Variants in DRC9 observed in about 807,000 individuals in gnomAD.
DRC9 encodes the protein dynein regulatory complex protein 9.
the DRC9 span, chr3:197,949,373 T>A: frequency 2.0e-5 from 3 of 152,206 alleles, no homozygotes; most frequent in Non-Finnish European, 4.4e-5. Context: ...GAGGACCTAC[T>A]AGGTGCGGAC....
the DRC9 span, chr3:197,955,901 G>A: frequency 3.8e-6 from 3 of 783,736 alleles, no homozygotes; most frequent in Non-Finnish European, 6.7e-6. Context: ...CATTTTTGGA[G>A]TACAAGGGGG....
At chr3:197,948,820 TTAAA>T in the DRC9 span, among the ~76,000 whole-genome samples, 1 of 152,202 alleles carries the variant, frequency 6.6e-6, no homozygotes, top group African/African-American at 2.4e-5. Flanking sequence ...TTGCCAGAAT[TTAAA>T]TATATTCAGA....
At chr3:197,905,703 G>A in the DRC9 span, among the ~76,000 whole-genome samples, 2 of 151,982 alleles carry the variant, frequency 1.3e-5, no homozygotes, top group African/African-American at 4.8e-5. Context: ...AGCTGAGATC[G>A]TGCCACTGGG....
At chr3:197,891,635 CAAAATAA>C in the DRC9 span, 4 of 592,198 alleles carry the variant, frequency 6.8e-6, no homozygotes, top group African/African-American at 5.7e-5. Context: ...TATAAAATTT[CAAAATAA>C]AACATGCTCA....
At chr3:197,950,221 G>C in the DRC9 span, 3 of 1,231,354 alleles carry the variant, frequency 2.4e-6, no homozygotes, top group African/African-American at 4.6e-5. Flanking sequence ...CTCCTGTGGA[G>C]GTGAGTGAAG....
the DRC9 span, among the ~76,000 whole-genome samples, chr3:197,952,794 A>T: frequency 1.3e-5 from 2 of 151,964 alleles, no homozygotes; most frequent in African/African-American, 2.4e-5. Context: ...CACCAGGCCA[A>T]AATTAGTTTT....
chr3:197,897,650 T>C, the DRC9 span, among the ~76,000 whole-genome samples: 1 of 152,146 alleles, frequency 6.6e-6, no homozygotes, highest in Non-Finnish European at 1.5e-5. Context: ...AATAGACATT[T>C]ATAAAATATT....
At chr3:197,897,283 T>C in the DRC9 span, among the ~76,000 whole-genome samples, 1 of 152,148 alleles carries the variant, frequency 6.6e-6, no homozygotes, top group Non-Finnish European at 1.5e-5. Context: ...GAAAGCAGGT[T>C]TGACAATTAA....
At chr3:197,899,972 C>T in the DRC9 span, among the ~76,000 whole-genome samples, 4 of 152,144 alleles carry the variant, frequency 2.6e-5, no homozygotes, top group Non-Finnish European at 5.9e-5. Context: ...GGAGGGCGGG[C>T]GCGGCACCTG....
At chr3:197,950,671 C>T in the DRC9 span, 24 of 520,600 alleles carry the variant, frequency 4.6e-5, 1 homozygote, top group South Asian at 4.7e-4. Context: ...TGCATTTTCT[C>T]AGGCTTTTCT....
At chr3:197,925,583 T>C in the DRC9 span, among the ~76,000 whole-genome samples, 1 of 115,538 alleles carries the variant, frequency 8.7e-6, no homozygotes, top group Non-Finnish European at 1.7e-5. Flanking sequence ...TCTTTATATC[T>C]TCTGTTTTTT....
At chr3:197,942,681 G>A in the DRC9 span, among the ~76,000 whole-genome samples, 1 of 151,896 alleles carries the variant, frequency 6.6e-6, no homozygotes. Flanking sequence ...ACTTTGGGAG[G>A]CCGAGGTGGG....
At chr3:197,924,402 A>G in the DRC9 span, among the ~76,000 whole-genome samples, 1 of 152,226 alleles carries the variant, frequency 6.6e-6, no homozygotes, top group Admixed American at 6.5e-5. Flanking sequence ...AATGAAATAT[A>G]TAAATAAAAT....
chr3:197,919,197 CCT>C, the DRC9 span, among the ~76,000 whole-genome samples: 10 of 152,282 alleles, frequency 6.6e-5, no homozygotes, highest in African/African-American at 2.2e-4. Context: ...CTCTGAGTAC[CCT>C]GAGTTCCTTC....
At chr3:197,951,258 T>G in the DRC9 span, 3 of 1,614,188 alleles carry the variant, frequency 1.9e-6, no homozygotes, top group African/African-American at 1.3e-5. Context: ...ACGCCCGAGA[T>G]GAAACAGAAT....
At chr3:197,900,152 C>T in the DRC9 span, among the ~76,000 whole-genome samples, 7 of 152,326 alleles carry the variant, frequency 4.6e-5, no homozygotes, top group Non-Finnish European at 7.3e-5. The surrounding 1 kb of genome is among the most constrained non-coding windows in gnomAD (Gnocchi z 4.7). Context: ...TCTCGGGCTA[C>T]GCCGCTCTGG....
chr3:197,907,203 T>C, the DRC9 span, among the ~76,000 whole-genome samples: 1 of 152,134 alleles, frequency 6.6e-6, no homozygotes, highest in Non-Finnish European at 1.5e-5. Flanking sequence ...CCCTCACTAT[T>C]CTATTTCTCA....
the DRC9 span, among the ~76,000 whole-genome samples, chr3:197,901,151 T>C: frequency 1.3e-5 from 2 of 152,094 alleles, no homozygotes; most frequent in African/African-American, 4.8e-5. This position sits in a 1 kb window ranked among gnomAD's most constrained non-coding sequence, Gnocchi z 4.4. Context: ...CTTGACTCTT[T>C]TTTTTGAGAT....
the DRC9 span, among the ~76,000 whole-genome samples, chr3:197,931,741 T>C: frequency 2.0e-5 from 3 of 151,782 alleles, no homozygotes; most frequent in Admixed American, 1.3e-4. Flanking sequence ...TCTCCTGCCT[T>C]GGCCTCCCAA....
Sources: gnomAD v4.1 joint callset for allele counts (sites outside exome capture counted in the v4.1 genomes callset) on GRCh38, gnomAD v4.1.1 for gene constraint, Gnocchi (gnomAD v3.1) non-coding constraint, MANE v1.5 for transcripts, NCBI Gene and HGNC (gene_info 2026-07-23, HGNC 2026-07-21) for gene names.